The following VMP1 variants were observed in gnomAD, a reference collection of about 807,000 sequenced individuals.
VMP1 encodes vacuole membrane protein 1.
A neutral mutation model predicts 56.0 loss-of-function variants in VMP1; 11 were observed. That is an observed-to-expected ratio of 0.20 (90% confidence interval 0.12 to 0.32). The LOEUF is 0.32. Ranked by LOEUF, VMP1 falls within the 10% of genes least tolerant of loss-of-function variation. The pLI is 1.00. For synonymous variants in VMP1, 149 were observed against 165.0 expected (o/e 0.90, Z 0.74); for missense variants, 296 against 490.3 (o/e 0.60, Z 3.74).
rs776642022 is a variant in VMP1 at position 59,773,934 on chromosome 17, A to T, written c.714+49A>T. Reference sequence around the variant, plus strand: ...TAGAACACTTTACTTCTTCCTAAAGAGGCTATTAAGGTAAAATTGTTAGTA... The same window carrying T: ...TAGAACACTTTACTTCTTCCTAAAGTGGCTATTAAGGTAAAATTGTTAGTA... On this transcript the variant is annotated intron_variant, in intron 7 of 11. Coordinates refer to ENST00000262291, the MANE Select transcript of VMP1 (RefSeq NM_030938.5). The T allele has an allele frequency of 2.0e-5, 30 of 1,472,712 alleles. No individual in the cohort carries two copies. The African/African-American group carries it at 3.3e-4, about 16-fold the overall frequency. The allele number at this position is 1,472,712 out of a possible 1,614,324, so 91.2% of individuals were successfully genotyped here.
intron 1 of VMP1, among the ~76,000 whole-genome samples, chr17:59,716,202 AAATTCG>A (rs1324068058): frequency 1.3e-5 from 2 of 152,186 alleles, no homozygotes; most frequent in East Asian, 3.9e-4. Context: ...TTCCAAGTCC[AAATTCG>A]GTAGTTCTTC....
At chr17:59,744,830 C>T (rs1429994547) in intron 5 of VMP1, among the ~76,000 whole-genome samples, 1 of 151,448 alleles carries the variant, frequency 6.6e-6, no homozygotes, top group Non-Finnish European at 1.5e-5. Context: ...TCCTGACTTC[C>T]ATTTAGGATC....
intron 9 of VMP1, among the ~76,000 whole-genome samples, chr17:59,815,725 C>T (rs892039655): frequency 8.6e-5 from 13 of 151,928 alleles, no homozygotes; most frequent in South Asian, 4.2e-4. Flanking sequence ...GGCATGGTGG[C>T]GGGCGCCTGT....
chr17:59,753,921 A>G (rs1027153403), intron 5 of VMP1, among the ~76,000 whole-genome samples: 1 of 152,212 alleles, frequency 6.6e-6, no homozygotes. Context: ...ACATTGTAGA[A>G]TAGATCAGGT....
intron 10 of VMP1, among the ~76,000 whole-genome samples, chr17:59,827,873 G>T (rs9893750): frequency 0.049 from 7,483 of 152,060 alleles, 600 homozygotes; most frequent in African/African-American, 0.17. Flanking sequence ...GGTCAAGGCT[G>T]CAGTGAGTCG....
chr17:59,835,231 C>T (rs1038467222), intron 10 of VMP1, among the ~76,000 whole-genome samples: 5 of 151,310 alleles, frequency 3.3e-5, no homozygotes, highest in East Asian at 2.0e-4. Context: ...TGGGTTCAAG[C>T]GATTCTTCGG....
chr17:59,825,944 A>C (rs2038633636), intron 10 of VMP1, among the ~76,000 whole-genome samples: 1 of 152,222 alleles, frequency 6.6e-6, no homozygotes. Context: ...ACAGAAAGAA[A>C]ATCTGTCCTT....
chr17:59,822,011 T>G (rs940814625), intron 10 of VMP1, among the ~76,000 whole-genome samples: 1 of 151,836 alleles, frequency 6.6e-6, no homozygotes, highest in African/African-American at 2.4e-5. Context: ...CCTGGCTAAT[T>G]TTTATATTTT....
intron 5 of VMP1, among the ~76,000 whole-genome samples, chr17:59,758,317 T>G (rs2035921982): frequency 6.6e-6 from 1 of 152,198 alleles, no homozygotes. Context: ...ATTTTCTATG[T>G]TATTCAAATC....
intron 6 of VMP1, among the ~76,000 whole-genome samples, chr17:59,768,607 A>G (rs910017196): frequency 1.9e-4 from 28 of 151,236 alleles, no homozygotes; most frequent in Middle Eastern, 3.4e-3. Context: ...CATCTCAAAG[A>G]AAAAAAAACA....
intron 1 of VMP1, among the ~76,000 whole-genome samples, chr17:59,709,583 T>C (rs58901352): frequency 6.4e-4 from 98 of 152,352 alleles, no homozygotes; most frequent in African/African-American, 1.6e-3. Context: ...ACTGGAGATA[T>C]GTCAGTGTAG....
chr17:59,764,421 T>C (rs2143984536), intron 5 of VMP1, among the ~76,000 whole-genome samples: 1 of 152,264 alleles, frequency 6.6e-6, no homozygotes, highest in Non-Finnish European at 1.5e-5. Flanking sequence ...CTCCAACACC[T>C]GGGCTCAAGC....
Position 59,842,137 on chromosome 17 carries a change from A to G in VMP1, c.*2226A>G, listed in dbSNP as rs2039175579. The G allele has an allele frequency of 6.6e-6, 1 of 152,174 alleles. No individual in the cohort carries two copies. Among genetic ancestry groups the G allele is most frequent in the Non-Finnish European group, 1.5e-5 (1 of 68,022 alleles). 9.4% of individuals were successfully genotyped at this position (152,174 alleles called of 1,614,324 possible). A position where few individuals can be genotyped will look rare whatever the true frequency, so the allele number is the denominator to read the frequency against. The stretch of plus-strand genomic sequence containing the variant: ...AAAGTGGAGACAAATACATGATCTC[A>G]AAGATACACAGTACCTACTTAATTC... On this transcript the variant is annotated 3_prime_UTR_variant, in exon 12 of 12. Coordinates refer to ENST00000262291, the MANE Select transcript of VMP1 (RefSeq NM_030938.5).
intron 5 of VMP1, among the ~76,000 whole-genome samples, chr17:59,741,205 T>G (rs998291275): frequency 2.0e-5 from 3 of 151,880 alleles, no homozygotes; most frequent in Non-Finnish European, 4.4e-5. Context: ...AAAAAAAAAA[T>G]TATTTTAAAT....
At chr17:59,743,576 C>A (rs187205709) in intron 5 of VMP1, among the ~76,000 whole-genome samples, 81 of 148,602 alleles carry the variant, frequency 5.5e-4, no homozygotes, top group Admixed American at 1.5e-3. Flanking sequence ...CTCTCTCTCT[C>A]TCTCTATATA....
chr17:59,740,567 A>AT (rs747961643), intron 5 of VMP1, among the ~76,000 whole-genome samples: 3 of 152,194 alleles, frequency 2.0e-5, no homozygotes, highest in Non-Finnish European at 4.4e-5. Flanking sequence ...AATCTATAAT[A>AT]TATCATTTCT....
chr17:59,760,937 T>C (rs1292240030), intron 5 of VMP1, among the ~76,000 whole-genome samples: 1 of 150,600 alleles, frequency 6.6e-6, no homozygotes, highest in African/African-American at 2.5e-5. Context: ...TTCTTTTCTT[T>C]TCTTTTTTGT....
chr17:59,782,796 AG>A (rs35519306), intron 7 of VMP1, among the ~76,000 whole-genome samples: 38,699 of 151,902 alleles, frequency 0.25, 5,256 homozygotes, highest in East Asian at 0.44. Context: ...CCTGTAGTAG[AG>A]TAAGTTTATC....
At chr17:59,827,491 A>AT (rs1598453286) in intron 10 of VMP1, among the ~76,000 whole-genome samples, 1 of 150,492 alleles carries the variant, frequency 6.6e-6, no homozygotes, top group African/African-American at 2.5e-5. Flanking sequence ...TAATTTTTGT[A>AT]TTTTTACTAG....
Sources: allele counts gnomAD v4.1 joint callset (sites outside exome capture counted in the v4.1 genomes callset), GRCh38; gene constraint gnomAD v4.1.1; transcripts MANE v1.5; gene names NCBI Gene and HGNC (gene_info 2026-07-23, HGNC 2026-07-21).